Variants in MPPED1 observed in about 807,000 individuals in gnomAD.
MPPED1 encodes metallophosphoesterase domain-containing protein 1.
Under a neutral mutation model 36.2 loss-of-function variants are expected in MPPED1, and 16 were observed. That is an observed-to-expected ratio of 0.44 (90% CI 0.30 to 0.67). The LOEUF is 0.67. MPPED1 is among the 30% of genes least tolerant of loss of function. The pLI is 0.10. For missense variants in MPPED1, 307 were observed against 453.4 expected (o/e 0.68, Z 2.93); for synonymous variants, 199 against 191.3 (o/e 1.04, Z -0.33).
At chr22:43,497,434 C>T (rs1463014868) in intron 4 of MPPED1, among the ~76,000 whole-genome samples, 2 of 152,032 alleles carry the variant, frequency 1.3e-5, no homozygotes, top group Non-Finnish European at 2.9e-5. Context: ...AACTTAACAG[C>T]TGCCGACAGC....
chr22:43,447,741 A>G (rs2146849450), intron 3 of MPPED1, among the ~76,000 whole-genome samples: 1 of 149,822 alleles, frequency 6.7e-6, no homozygotes, highest in Non-Finnish European at 1.5e-5. Context: ...CTGCATTTCT[A>G]ATGAGCTCCC....
intron 4 of MPPED1, among the ~76,000 whole-genome samples, chr22:43,483,760 C>A (rs1209581692): frequency 6.6e-6 from 1 of 152,164 alleles, no homozygotes. Flanking sequence ...GGGGGTGTAG[C>A]CCAGTTTGAG....
rs1932831070 is a variant in MPPED1, at chr22:43,507,515, G to A, written c.*1899G>A. 6.6e-6 allele frequency: 1 copy of A among 152,218 alleles called. No individual in the cohort carries two copies. Among genetic ancestry groups the A allele is most frequent in the South Asian group, 2.1e-4 (1 of 4,824 alleles). The allele number at this position is 152,218 out of a possible 1,614,324, so 9.4% of individuals were successfully genotyped here. On this transcript the variant is annotated 3_prime_UTR_variant, in exon 7 of 7. Transcript: ENST00000443721. ...TTCCTGTAGCCAGGGATGTTTATGA[G>A]GTCTCTCTGATGCCCCAGGCGCAGG... is the stretch of plus-strand genomic sequence containing the variant.
intron 3 of MPPED1, among the ~76,000 whole-genome samples, chr22:43,436,709 T>C (rs1929973752): frequency 6.6e-6 from 1 of 152,210 alleles, no homozygotes; most frequent in Non-Finnish European, 1.5e-5. Context: ...GAGGTTCCAC[T>C]TGGTGGAGTC....
At chr22:43,439,533 C>A (rs1569070079) in intron 3 of MPPED1, among the ~76,000 whole-genome samples, 1 of 152,250 alleles carries the variant, frequency 6.6e-6, no homozygotes, top group African/African-American at 2.4e-5. Context: ...TGTCTTCACC[C>A]CTGTTTCCTC....
At chr22:43,435,417 A>G (rs1601956592) in intron 3 of MPPED1, among the ~76,000 whole-genome samples, 1 of 150,606 alleles carries the variant, frequency 6.6e-6, no homozygotes, top group South Asian at 2.1e-4. Flanking sequence ...CTCCTCCAGC[A>G]TCTGTCTTGG....
intron 6 of MPPED1, among the ~76,000 whole-genome samples, chr22:43,505,090 G>GATTA (rs943144966): frequency 2.6e-5 from 4 of 151,790 alleles, no homozygotes; most frequent in African/African-American, 9.7e-5. Context: ...CATTAGTGAT[G>GATTA]ATTATGGTGG....
At position 43,507,340 on chromosome 22, in the gene MPPED1, C is replaced by G. The variant is rs1423901638; in HGVS notation, c.*1724C>G. 2 of 152,240 alleles carry G rather than the reference C, an allele frequency of 1.3e-5. No homozygotes were observed. The highest frequency in any genetic ancestry group is 2.9e-5 in the Non-Finnish European group (2 of 68,070). 9.4% of individuals were successfully genotyped at this position (152,240 alleles called of 1,614,324 possible). On this transcript the variant is annotated 3_prime_UTR_variant, in exon 7 of 7. Coordinates refer to ENST00000443721, the MANE Select transcript of MPPED1 (RefSeq NM_001044370.2). ...AACCCTGGGTGCAGCATCCTAGCAT[C>G]CTGGGAGTCCTTTTCTGCCCACACT...
At chr22:43,487,768 G>A (rs1931957609) in intron 4 of MPPED1, among the ~76,000 whole-genome samples, 4 of 152,150 alleles carry the variant, frequency 2.6e-5, no homozygotes, top group Non-Finnish European at 2.9e-5. Flanking sequence ...CCATGCCCTC[G>A]GACACACTGC....
In MPPED1 at chr22:43,435,376, C is replaced by A. The variant is rs552097428; in HGVS notation, c.406+161C>A. 2.6e-5 allele frequency among the ~76,000 whole-genome samples: 4 copies of A among 152,320 alleles called. No individual in the cohort carries two copies. In the East Asian group the frequency reaches 7.7e-4, roughly 29 times the overall value. Reference sequence around the variant, plus strand: ...CTCCCTGACCTCTCAGAGCAGGTGCCCCTTTCTCTCCCATCCACCTTGGAC... The same window carrying A: ...CTCCCTGACCTCTCAGAGCAGGTGCACCTTTCTCTCCCATCCACCTTGGAC... On this transcript the variant is annotated intron_variant, in intron 3 of 6. Transcript: ENST00000443721.
intron 3 of MPPED1, among the ~76,000 whole-genome samples, chr22:43,468,366 A>G (rs1164090225): frequency 6.6e-6 from 1 of 152,184 alleles, no homozygotes; most frequent in Non-Finnish European, 1.5e-5. Context: ...GTTCTCGCCC[A>G]CCTAGCAGAG....
chr22:43,459,195 C>T (rs1325848966), intron 3 of MPPED1, among the ~76,000 whole-genome samples: 1 of 152,154 alleles, frequency 6.6e-6, no homozygotes, highest in Non-Finnish European at 1.5e-5. Context: ...GTGTCTCAGC[C>T]TCCCAAGTAG....
chr22:43,423,080 G>C (rs530216756), intron 1 of MPPED1, among the ~76,000 whole-genome samples: 1 of 152,084 alleles, frequency 6.6e-6, no homozygotes, highest in African/African-American at 2.4e-5. Flanking sequence ...CAGGTGATCC[G>C]CCCGTCTCAG....
intron 4 of MPPED1, among the ~76,000 whole-genome samples, chr22:43,493,367 C>T (rs996187705): frequency 6.7e-4 from 102 of 152,218 alleles, no homozygotes; most frequent in Non-Finnish European, 5.0e-4. Flanking sequence ...CCAGGGGTGT[C>T]AGTCACCCCA....
At chr22:43,468,337 C>T (rs959455889) in intron 3 of MPPED1, among the ~76,000 whole-genome samples, 2 of 152,214 alleles carry the variant, frequency 1.3e-5, no homozygotes, top group African/African-American at 4.8e-5. Flanking sequence ...GGGCTTGTGG[C>T]AGAGGCTGGG....
At chr22:43,493,349 G>A (rs1443685003) in intron 4 of MPPED1, among the ~76,000 whole-genome samples, 1 of 152,234 alleles carries the variant, frequency 6.6e-6, no homozygotes, top group Non-Finnish European at 1.5e-5. Context: ...AGTATGTTGG[G>A]TTAACAGCCA....
At chr22:43,451,846 C>CCGAGGCTT (rs1217929032) in intron 3 of MPPED1, among the ~76,000 whole-genome samples, 2 of 152,136 alleles carry the variant, frequency 1.3e-5, no homozygotes, top group East Asian at 3.9e-4. Context: ...CTTTGTCTGT[C>CCGAGGCTT]CGAGGCTTCG....
In MPPED1 at chr22:43,447,869, A is replaced by ATATATATATAT. The variant is rs1408907781; in HGVS notation, c.406+12655_406+12665dup. Among the ~76,000 whole-genome samples, 7 of 28,008 alleles carry ATATATATATAT rather than the reference A, an allele frequency of 2.5e-4. 1 individual carries two copies. Among genetic ancestry groups the ATATATATATAT allele is most frequent in the African/African-American group, 1.1e-3 (7 of 6,318 alleles). The allele number at this position is 28,008 out of a possible 152,430, so 18.4% of individuals were successfully genotyped here. A position where few individuals can be genotyped will look rare whatever the true frequency, so the allele number is the denominator to read the frequency against. The stretch of plus-strand genomic sequence containing the variant: ...TTATATATGTAAATATTATATATAT[A>ATATATATATAT]TATATATATATATATTTTTTTTTTT... On this transcript the variant is annotated intron_variant, in intron 3 of 6. Transcript: ENST00000443721.
At chr22:43,452,863 A>G (rs945967425) in intron 3 of MPPED1, among the ~76,000 whole-genome samples, 1 of 151,932 alleles carries the variant, frequency 6.6e-6, no homozygotes, top group Admixed American at 6.6e-5. Context: ...TCCTGGGCTC[A>G]AGCAGTCCTC....
Sources: allele counts gnomAD v4.1 joint callset (sites outside exome capture counted in the v4.1 genomes callset), GRCh38; gene constraint gnomAD v4.1.1; transcripts MANE v1.5; gene names NCBI Gene and HGNC (gene_info 2026-07-23, HGNC 2026-07-21).